SMR3A: variants seen among roughly 807,000 people sequenced by gnomAD.
SMR3A encodes submaxillary gland androgen regulated protein 3A.
For synonymous variants in SMR3A, 48 were observed against 57.4 expected (o/e 0.84, Z 0.74); for missense variants, 188 against 163.0 (o/e 1.15, Z -0.84).
At chr4:70,361,729 C>T (rs1207259184) in intron 1 of SMR3A, among the ~76,000 whole-genome samples, 1 of 151,672 alleles carries the variant, frequency 6.6e-6, no homozygotes, top group African/African-American at 2.4e-5. Flanking sequence ...AAACAATGTA[C>T]CTGCTATTTA....
chr4:70,364,505 C>T (rs17148815), intron 2 of SMR3A, among the ~76,000 whole-genome samples: 33 of 151,508 alleles, frequency 2.2e-4, no homozygotes, highest in Non-Finnish European at 5.9e-5. Flanking sequence ...GCAGATATTA[C>T]TTGCAGAAAG....
intron 2 of SMR3A, among the ~76,000 whole-genome samples, chr4:70,365,285 C>T (rs1477674636): frequency 6.6e-6 from 1 of 151,866 alleles, no homozygotes; most frequent in Non-Finnish European, 1.5e-5. Flanking sequence ...TTATGTTGTC[C>T]AGGTTGGTCT....
At chr4:70,366,574 G>T (rs1560523173) in intron 2 of SMR3A, 70 bp from the exon 3 acceptor site, 1 of 1,399,126 alleles carries the variant, frequency 7.1e-7, no homozygotes, top group Non-Finnish European at 9.7e-7. Context: ...GCTTACCATA[G>T]AAACCATTCA....
intron 2 of SMR3A, among the ~76,000 whole-genome samples, chr4:70,363,697 A>G (rs1183676637): frequency 1.3e-5 from 2 of 152,058 alleles, no homozygotes; most frequent in Non-Finnish European, 2.9e-5. Flanking sequence ...GGTTAAGAGA[A>G]CAGGAAAAGA....
intron 1 of SMR3A, 111 bp from the exon 2 acceptor site, chr4:70,361,991 A>G: frequency 6.7e-7 from 1 of 1,483,960 alleles, no homozygotes; most frequent in South Asian, 1.4e-5. Flanking sequence ...ATTTCCTAAA[A>G]AGGCTACAGT....
Position 70,366,671 on chromosome 4 carries a change from G to A in SMR3A, c.82G>A (p.Gly28Arg), listed in dbSNP as rs10031844. ...TGGTGAGAGTCAAAGAGGCCCCAGG[G>A]GACCATATCCACCTGGACCACTGGC... ...TPGESQRGPR[G>R]PYPPGPLAPP... Residue 28 changes from glycine to arginine, a missense_variant, in exon 3 of 3, where the codon GGA (glycine) becomes AGA (arginine). Coordinates refer to ENST00000226460, the MANE Select transcript of SMR3A (RefSeq NM_012390.4). The A allele has an allele frequency of 0.28, 452,047 of 1,610,238 alleles. 67,039 individuals carry two copies. The highest frequency in any genetic ancestry group is 0.42 in the South Asian group (38,229 of 90,800).
At chr4:70,365,093 T>C (rs1732231267) in intron 2 of SMR3A, among the ~76,000 whole-genome samples, 1 of 152,034 alleles carries the variant, frequency 6.6e-6, no homozygotes, top group Non-Finnish European at 1.5e-5. Context: ...CATATTTTCC[T>C]TCTATTTGGC....
intron 2 of SMR3A, among the ~76,000 whole-genome samples, chr4:70,362,371 T>C (rs1442654183): frequency 6.6e-6 from 1 of 151,866 alleles, no homozygotes; most frequent in Admixed American, 6.6e-5. Context: ...GCTACAATAC[T>C]GGACAGCTCA....
At chr4:70,362,195 C>T (rs941313436) in intron 2 of SMR3A, 26 bp downstream of exon 2, 10 of 1,611,074 alleles carry the variant, frequency 6.2e-6, no homozygotes, top group Middle Eastern at 1.7e-4. Context: ...CACGATCACA[C>T]ATCTTTATAC....
intron 2 of SMR3A, 100 bp downstream of exon 2, chr4:70,362,269 T>C (rs1240552036): frequency 4.5e-6 from 7 of 1,565,478 alleles, no homozygotes; most frequent in East Asian, 2.3e-5. Flanking sequence ...TCTTATATAT[T>C]AGTAACTATT....
chr4:70,363,749 G>A (rs189204876), intron 2 of SMR3A, among the ~76,000 whole-genome samples: 1 of 152,082 alleles, frequency 6.6e-6, no homozygotes, highest in Non-Finnish European at 1.5e-5. Flanking sequence ...ATAATATTTA[G>A]ATCAACATCG....
chr4:70,366,859 A>C lies in SMR3A; in HGVS notation c.270A>C (p.Gln90His), dbSNP rs374268412. 6.2e-7 allele frequency: 1 copy of C among 1,613,256 alleles called. No individual in the cohort carries two copies. Among genetic ancestry groups the C allele is most frequent in the Non-Finnish European group, 8.5e-7 (1 of 1,179,738 alleles). ...PPPPYGPGRI[Q>H]SHSLPPPYGP... The stretch of plus-strand genomic sequence containing the variant: ...CACCCTATGGTCCAGGGAGAATTCA[A>C]TCACACTCTCTTCCTCCTCCTTATG... The change falls in exon 3 of 3, where the codon CAA (glutamine) becomes CAC (histidine). Residue 90 changes from glutamine to histidine, a missense_variant. By Grantham distance (24) the Gln-to-His change is conservative. Coordinates refer to ENST00000226460, the MANE Select transcript of SMR3A (RefSeq NM_012390.4).
rs932260828 is a variant in SMR3A at position 70,367,124 on chromosome 4, T to C, written c.*130T>C. The C allele has an allele frequency of 1.0e-5, 8 of 783,288 alleles. No individual in the cohort carries two copies. The highest frequency in any genetic ancestry group is 1.6e-5 in the Non-Finnish European group (8 of 495,494). 48.5% of individuals were successfully genotyped at this position (783,288 alleles called of 1,614,324 possible). On this transcript the variant is annotated 3_prime_UTR_variant, in exon 3 of 3. Coordinates refer to ENST00000226460, the MANE Select transcript of SMR3A (RefSeq NM_012390.4). ...AGACTTTTAGATAAAATCACTTCCA[T>C]TTTTGGATGAGAATAAAGATTTCCA...
rs368646636 is a variant in SMR3A, at chr4:70,366,897, C to A, written c.308C>A (p.Pro103Gln). Residue 103 changes from proline (P) to glutamine (Q), a missense_variant, in exon 3 of 3, where the codon CCA (proline) becomes CAA (glutamine). By Grantham distance (76) the Pro-to-Gln change is moderately conservative. Transcript: ENST00000226460. ...SLPPPYGPGYPQPPSQPRPYP... is the reference protein window; with the variant it reads ...SLPPPYGPGYQQPPSQPRPYP... ...CCTCCTCCTTATGGCCCAGGTTATC[C>A]ACAGCCACCTTCCCAACCAAGACCC... 2.2e-5 allele frequency: 36 copies of A among 1,613,494 alleles called. 1 individual carries two copies. In the Middle Eastern group the frequency reaches 4.9e-4, roughly 22 times the overall value.
At chr4:70,361,402 G>A (rs1732143786) in intron 1 of SMR3A, among the ~76,000 whole-genome samples, 1 of 151,810 alleles carries the variant, frequency 6.6e-6, no homozygotes, top group Admixed American at 6.6e-5. Flanking sequence ...AAGCTATCAG[G>A]TACTTGAAAT....
chr4:70,365,887 T>G (rs1232007063), intron 2 of SMR3A, among the ~76,000 whole-genome samples: 1 of 152,050 alleles, frequency 6.6e-6, no homozygotes, highest in Non-Finnish European at 1.5e-5. Context: ...GCAAAGGCAT[T>G]TATTTCCATT....
intron 2 of SMR3A, among the ~76,000 whole-genome samples, chr4:70,363,711 G>C (rs1577869531): frequency 6.6e-6 from 1 of 151,930 alleles, no homozygotes; most frequent in South Asian, 2.1e-4. Flanking sequence ...GAAAAGAATA[G>C]ATATTTACTA....
chr4:70,366,605 A>G (rs766386511), intron 2 of SMR3A, 39 bp from the exon 3 acceptor site: 2 of 1,514,922 alleles, frequency 1.3e-6, no homozygotes, highest in Non-Finnish European at 8.9e-7. Context: ...TAACTGTGAA[A>G]TATCTGATTT....
rs751890514 is a variant in SMR3A, at chr4:70,366,846, C to T, written c.257C>T (p.Pro86Leu). The T allele has an allele frequency of 5.0e-6, 8 of 1,613,590 alleles. No individual in the cohort carries two copies. The South Asian group carries it at 8.8e-5, about 18-fold the overall frequency. The stretch of plus-strand genomic sequence containing the variant: ...CCATCCCCTCCTCCACCCTATGGTC[C>T]AGGGAGAATTCAATCACACTCTCTT... ...IPPSPPPPYG[P>L]GRIQSHSLPP... Residue 86 changes from proline to leucine, a missense_variant, in exon 3 of 3, where the codon CCA becomes CTA. Physicochemically the swap from Pro to Leu is moderately conservative, Grantham distance 98. Coordinates refer to ENST00000226460, the MANE Select transcript of SMR3A (RefSeq NM_012390.4).
Sources: gnomAD v4.1 joint callset for allele counts (sites outside exome capture counted in the v4.1 genomes callset) on GRCh38, gnomAD v4.1.1 for gene constraint, MANE v1.5 for transcripts, NCBI Gene and HGNC (gene_info 2026-07-23, HGNC 2026-07-21) for gene names.